The following ERN2 variants were observed in gnomAD, a reference collection of about 807,000 sequenced individuals.
ERN2 encodes the protein serine/threonine-protein kinase/endoribonuclease IRE2.
In ERN2, 111 loss-of-function variants were observed where a neutral mutation model predicts 107.9. The ratio of observed to expected loss-of-function variants is 1.03; its 90% confidence interval spans 0.88 to 1.20. The LOEUF is 1.20. Among genes scored for constraint, ERN2 ranks in the 50% most tolerant of loss-of-function variants. The pLI is 0.00. For synonymous variants in ERN2, 524 were observed against 501.7 expected (o/e 1.04, Z -0.59); for missense variants, 1,225 against 1,197.9 (o/e 1.02, Z -0.33).
intron 1 of ERN2, among the ~76,000 whole-genome samples, chr16:23,711,552 C>A (rs1458452836): frequency 6.6e-6 from 1 of 151,882 alleles, no homozygotes; most frequent in Non-Finnish European, 1.5e-5. Flanking sequence ...GAGATGGGGT[C>A]TTGCTATGTT....
At chr16:23,700,909 A>C in intron 12 of ERN2, 50 bp downstream of exon 12, 1 of 1,580,310 alleles carries the variant, frequency 6.3e-7, no homozygotes, top group Non-Finnish European at 8.6e-7. Context: ...CTCAGAGAGG[A>C]GAAGCAGCGT....
Position 23,707,034 on chromosome 16 carries a change from G to A in ERN2, c.352C>T (p.Arg118Cys), listed in dbSNP as rs56117885. 5.6e-6 allele frequency: 9 copies of A among 1,613,976 alleles called. No individual in the cohort carries two copies. Among genetic ancestry groups the A allele is most frequent in the African/African-American group, 1.3e-5 (1 of 74,906 alleles). The change falls in exon 5 of 22, where the codon CGC becomes TGC. Residue 118 changes from arginine (R) to cysteine (C), a missense_variant. Arg to Cys is a radical substitution (Grantham distance 180, BLOSUM62 -3). Coordinates refer to ENST00000256797, the MANE Select transcript of ERN2 (RefSeq NM_033266.4). ...IPELVHASPCRSSDGVFYTGR... is the reference protein window; with the variant it reads ...IPELVHASPCCSSDGVFYTGR... The stretch of plus-strand genomic sequence containing the variant: ...GTGTAGAAGACCCCATCAGAGCTGC[G>A]GCAGGGAGAGGCATGAACCAGCTCA...
chr16:23,694,917 G>T lies in ERN2; in HGVS notation c.1911C>A (p.Asp637Glu), dbSNP rs1252459084. The change falls in exon 17 of 22, where the codon GAC becomes GAA. Residue 637 changes from aspartate (D) to glutamate (E), a missense_variant. Transcript: ENST00000256797. ...TGATGAGAATATTTCCTGGCTTCAG[G>T]TCCCGGTGCACTGTGGGAGAGGGGC... ...HLHSLHIVHR[D>E]LKPGNILITG... 1 of 1,614,096 alleles carries T rather than the reference G, an allele frequency of 6.2e-7. No individual in the cohort carries two copies. Among genetic ancestry groups the T allele is most frequent in the Non-Finnish European group, 8.5e-7 (1 of 1,180,040 alleles).
intron 18 of ERN2, 36 bp downstream of exon 18, chr16:23,692,148 G>T (rs372495466): frequency 6.2e-7 from 1 of 1,613,810 alleles, no homozygotes; most frequent in South Asian, 1.1e-5. Context: ...CGTCTTGCCC[G>T]TCCTCCCTTC....
In ERN2 at chr16:23,690,870, T is replaced by C. The variant is rs150380389; in HGVS notation, c.2742A>G (p.Ser914=). 6.3e-4 allele frequency: 1,012 copies of C among 1,613,608 alleles called. 5 individuals are homozygous for C. Among genetic ancestry groups the C allele is most frequent in the Non-Finnish European group, 6.2e-5 (73 of 1,180,014 alleles). The change falls in exon 22 of 22, where the codon TCA becomes TCG. Residue 914 remains serine (S), a synonymous_variant. Transcript: ENST00000256797. ...SLFLPYYPPD[S]EARRPCPGAT... is the part of the protein sequence containing the mutation. ...CCCCAGGGCATGGCCTCCTGGCCTCTGAGTCTGGCGGGTAGTAGGGCAGGA... is the reference window on the plus strand; with the variant it reads ...CCCCAGGGCATGGCCTCCTGGCCTCCGAGTCTGGCGGGTAGTAGGGCAGGA...
At chr16:23,692,130 C>T (rs1332517447) in intron 18 of ERN2, 40 bp from the exon 19 acceptor site, 1 of 1,613,778 alleles carries the variant, frequency 6.2e-7, no homozygotes, top group Non-Finnish European at 8.5e-7. Flanking sequence ...TGCTTCAGGC[C>T]TGCCTAGCGT....
At position 23,700,607 on chromosome 16, in the gene ERN2, GC is replaced by G; in HGVS notation, c.1456del (p.Ala486ProfsTer29). On this transcript the variant is annotated frameshift_variant, in exon 13 of 22. Transcript: ENST00000256797. LOFTEE classifies it high-confidence loss of function. ...AAGCCTCTTCTGGCTCCTCCGGCTG[GC>G]CCCCGAGTGCAGGGACTGGGCATCC... is the stretch of plus-strand genomic sequence containing the variant. Reference protein sequence around the residue: ...SQDAQSLHSGASRRSQKRLQS... With the variant: ...SQDAQSLHSGXSRRSQKRLQS... The G allele has an allele frequency of 6.2e-7, 1 of 1,613,992 alleles. No homozygotes were observed. The highest frequency in any genetic ancestry group is 8.5e-7 in the Non-Finnish European group (1 of 1,179,932).
At chr16:23,704,789 G>T in intron 8 of ERN2, 94 bp downstream of exon 8, 1 of 1,333,738 alleles carries the variant, frequency 7.5e-7, no homozygotes, top group East Asian at 2.3e-5. Context: ...AGCGGTACTG[G>T]TGTGTCACAG....
Position 23,692,287 on chromosome 16 carries a change from G to A in ERN2, c.2145C>T (p.Tyr715=), listed in dbSNP as rs374661363. 9.9e-6 allele frequency: 16 copies of A among 1,613,944 alleles called. No individual in the cohort carries two copies. The East Asian group carries it at 1.1e-4, about 11-fold the overall frequency. ...DIFSAGCVFY[Y]VLSGGSHPFG... ...AGGGGTGGCTGCCACCAGAAAGCAC[G>A]TAGTAGAACACGCAGCCTGCAGAGA... Residue 715 remains tyrosine, a synonymous_variant, in exon 18 of 22, where the codon TAC becomes TAT. Transcript: ENST00000256797.
At chr16:23,693,601 AAT>A (rs1555466491) in intron 17 of ERN2, among the ~76,000 whole-genome samples, 7 of 147,784 alleles carry the variant, frequency 4.7e-5, no homozygotes, top group African/African-American at 1.0e-4. Flanking sequence ...AAAAAAAAAA[AAT>A]ATATATATAT....
Position 23,694,812 on chromosome 16 carries a change from A to T in ERN2, c.2016T>A (p.Cys672Ter). Residue 672 changes from cysteine (C) to a stop codon, truncating the protein, a stop_gained, in exon 17 of 22, where the codon TGT (cysteine) becomes TGA (stop). Transcript: ENST00000256797. LOFTEE classifies it high-confidence loss of function. ...GGATGCCGGAGTGGAGGCTGAAGCT[A>T]CAGCGGCCAGCAGGCAGCTTCTTGC... ...GLCKKLPAGR[C>*]SFSLHSGIPG... 6.2e-7 allele frequency: 1 copy of T among 1,613,886 alleles called. No homozygotes were observed. The highest frequency in any genetic ancestry group is 8.5e-7 in the Non-Finnish European group (1 of 1,179,968).
chr16:23,695,500 C>A (rs1178813269), intron 14 of ERN2, 111 bp from the exon 15 acceptor site: 15 of 1,066,724 alleles, frequency 1.4e-5, no homozygotes, highest in Non-Finnish European at 1.9e-5. Flanking sequence ...CCAAGGCGGG[C>A]GGGTCACTTG....
rs1306661630 is a variant in ERN2, at chr16:23,706,355, G to T, written c.564C>A (p.Pro188=). 6.4e-7 allele frequency: 1 copy of T among 1,554,962 alleles called. No homozygotes were observed. The change falls in exon 7 of 22, where the codon CCC becomes CCA. Residue 188 remains proline, a synonymous_variant. Transcript: ENST00000256797. ...WNTTYRRYSA[P]PMDGSPGKYM... Reference sequence around the variant, plus strand: ...ATTTCCCAGGTGAGCCATCCATGGGGGGCGCTGAGTAGCGGCGGTAGGTGG... The same window carrying T: ...ATTTCCCAGGTGAGCCATCCATGGGTGGCGCTGAGTAGCGGCGGTAGGTGG...
Position 23,710,901 on chromosome 16 carries a change from C to T in ERN2, c.199+12G>A, listed in dbSNP as rs777734674. ...GGGCCCAAGGAGGGAGGAGGGACCA[C>T]CTCTTGCTCACCATCCCTCAGAGTC... On this transcript the variant is annotated intron_variant, in intron 2 of 21. Coordinates refer to ENST00000256797, the MANE Select transcript of ERN2 (RefSeq NM_033266.4). 15 of 1,590,408 alleles carry T rather than the reference C, an allele frequency of 9.4e-6. No individual in the cohort carries two copies. The highest frequency in any genetic ancestry group is 3.3e-4 in the Middle Eastern group (2 of 6,060).
At position 23,704,843 on chromosome 16, in the gene ERN2, C is replaced by A. The variant is rs768854302; in HGVS notation, c.854+40G>T. The A allele has an allele frequency of 1.1e-5, 18 of 1,592,324 alleles. No individual in the cohort carries two copies. The South Asian group carries it at 1.9e-4, about 17-fold the overall frequency. Reference sequence around the variant, plus strand: ...CATCAGACCCAGGTTGCGACACTCCCAGATGGCTCCCTCCCTGGGCCCCAG... The same window carrying A: ...CATCAGACCCAGGTTGCGACACTCCAAGATGGCTCCCTCCCTGGGCCCCAG... On this transcript the variant is annotated intron_variant, in intron 8 of 21. Transcript: ENST00000256797.
At chr16:23,691,556 G>T in intron 19 of ERN2, 131 bp from the exon 20 acceptor site, 1 of 1,091,012 alleles carries the variant, frequency 9.2e-7, no homozygotes, top group Non-Finnish European at 1.3e-6. Flanking sequence ...AAGCTTCTCT[G>T]TGCCACGCCT....
Position 23,691,358 on chromosome 16 carries a change from C to T in ERN2, c.2444G>A (p.Gly815Asp), listed in dbSNP as rs767739439. 4 of 1,604,162 alleles carry T rather than the reference C, an allele frequency of 2.5e-6. No individual in the cohort carries two copies. The highest frequency in any genetic ancestry group is 2.2e-5 in the East Asian group (1 of 44,870). The change falls in exon 20 of 22, where the codon GGC becomes GAC. Residue 815 changes from glycine to aspartate, a missense_variant. By Grantham distance (94) the Gly-to-Asp change is moderately conservative. Coordinates refer to ENST00000256797, the MANE Select transcript of ERN2 (RefSeq NM_033266.4). ...CCAGTTGTCCCGGACCACTGCGCAG[C>T]CTCCCGCCTCCAGTGCCCTCACCAG... ...EPLVRALEAG[G>D]CAVVRDNWHE...
At chr16:23,701,445 G>A (rs1960061513) in intron 11 of ERN2, among the ~76,000 whole-genome samples, 1 of 152,182 alleles carries the variant, frequency 6.6e-6, no homozygotes, top group South Asian at 2.1e-4. Flanking sequence ...TGAGCAACCG[G>A]ATTTGAGAAT....
intron 11 of ERN2, among the ~76,000 whole-genome samples, 193 bp from the exon 12 acceptor site, chr16:23,701,307 A>G: frequency 6.6e-6 from 1 of 152,328 alleles, no homozygotes; most frequent in African/African-American, 2.4e-5. Context: ...AACCTACCCA[A>G]TGACCAGCAT....
Sources: allele counts gnomAD v4.1 joint callset (sites outside exome capture counted in the v4.1 genomes callset), GRCh38; gene constraint gnomAD v4.1.1; transcripts MANE v1.5; gene names NCBI Gene and HGNC (gene_info 2026-07-23, HGNC 2026-07-21).